The following SFTPA2 variants were observed in gnomAD, a reference collection of about 807,000 sequenced individuals.
SFTPA2 encodes the protein surfactant protein A2, also known as pulmonary surfactant-associated protein A2.
A neutral mutation model predicts 20.3 loss-of-function variants in SFTPA2; 21 were observed. The observed-to-expected ratio is 1.03, with a 90% confidence interval of 0.73 to 1.49. The LOEUF is 1.49. Ranked by LOEUF, SFTPA2 falls within the 40% of genes most tolerant of loss-of-function variation. The pLI is 0.00. For missense variants in SFTPA2, 302 were observed against 314.8 expected (o/e 0.96, Z 0.31); for synonymous variants, 116 against 118.7 (o/e 0.98, Z 0.15).
rs145350846 is a variant in SFTPA2 at position 79,557,985 on chromosome 10, G to C, written c.370+67C>G. Reference sequence around the variant, plus strand: ...TTGTTTGTCATCTCTATTCTAGAAGGTGGTGCTGAGAATGAGGGGAATTTG... The same window carrying C: ...TTGTTTGTCATCTCTATTCTAGAAGCTGGTGCTGAGAATGAGGGGAATTTG... On this transcript the variant is annotated intron_variant, in intron 5 of 5. Coordinates refer to ENST00000372325, the MANE Select transcript of SFTPA2 (RefSeq NM_001098668.4). The C allele has an allele frequency of 0.082, 132,076 of 1,604,874 alleles. 6,571 individuals are homozygous for C. The highest frequency in any genetic ancestry group is 0.26 in the East Asian group (11,498 of 44,764).
In SFTPA2 at chr10:79,557,167, A is replaced by G; in HGVS notation, c.*42T>C. On this transcript the variant is annotated 3_prime_UTR_variant, in exon 6 of 6. Coordinates refer to ENST00000372325, the MANE Select transcript of SFTPA2 (RefSeq NM_001098668.4). ...AGTGGATCCTGGGGATGGAAACTGA[A>G]GGCCAGACAGGATCCTCCCTGTCCC... 1 of 1,614,076 alleles carries G rather than the reference A, an allele frequency of 6.2e-7. No individual in the cohort carries two copies. The highest frequency in any genetic ancestry group is 8.5e-7 in the Non-Finnish European group (1 of 1,179,962).
rs889406238 is a variant in SFTPA2 at position 79,556,329 on chromosome 10, T to C, written c.*880A>G. 1.2e-5 allele frequency: 2 copies of C among 167,410 alleles called. No homozygotes were observed. Among genetic ancestry groups the C allele is most frequent in the African/African-American group, 4.8e-5 (2 of 41,486 alleles). 10.4% of individuals were successfully genotyped at this position (167,410 alleles called of 1,614,324 possible). ...GGTACTGTGCCCACCCCAAGACACA[T>C]CCTAAGACCTGGCACATGTTAATTT... is the stretch of plus-strand genomic sequence containing the variant. On this transcript the variant is annotated 3_prime_UTR_variant, in exon 6 of 6. Transcript: ENST00000372325.
At chr10:79,560,134 G>T in intron 1 of SFTPA2, 136 bp from the exon 2 acceptor site, 1 of 589,708 alleles carries the variant, frequency 1.7e-6, no homozygotes, top group Non-Finnish European at 2.2e-6. Flanking sequence ...CCCCTGCTTA[G>T]GCCCTGCTGA....
At position 79,559,005 on chromosome 10, in the gene SFTPA2, C is replaced by A. The variant is rs765027742; in HGVS notation, c.173G>T (p.Gly58Val). 1.9e-6 allele frequency: 3 copies of A among 1,614,012 alleles called. No individual in the cohort carries two copies. Among genetic ancestry groups the A allele is most frequent in the Admixed American group, 3.3e-5 (2 of 60,002 alleles). The change falls in exon 4 of 6, where the codon GGC becomes GTC. Residue 58 changes from glycine (G) to valine (V), a missense_variant and splice_region_variant. By Grantham distance (109) the Gly-to-Val change is moderately radical (BLOSUM62 -3). This residue lies in a region of SFTPA2 where 264 missense variants were observed against 261.7 expected (regional missense o/e 1.01). Transcript: ENST00000372325. ...TGTTTCTCCAGGCGGACCCATGGGG[C>A]CTGCAGAGAAAAGAGACATGGATGT... ...DGVKGDPGPP[G>V]PMGPPGETPC...
intron 3 of SFTPA2, 50 bp from the exon 4 acceptor site, chr10:79,559,055 T>C (rs746405729): frequency 2.2e-5 from 36 of 1,613,972 alleles, no homozygotes; most frequent in Non-Finnish European, 2.9e-5. Context: ...CCACAACTGG[T>C]TGGAGCTAGT....
intron 4 of SFTPA2, among the ~76,000 whole-genome samples, chr10:79,558,546 G>C (rs1190264864): frequency 6.6e-6 from 1 of 152,026 alleles, no homozygotes; most frequent in Admixed American, 6.5e-5. Context: ...CTGCCTGGAT[G>C]CCTCGTCCGC....
chr10:79,557,995 G>C, intron 5 of SFTPA2, 57 bp downstream of exon 5: 1 of 1,610,570 alleles, frequency 6.2e-7, no homozygotes, highest in Non-Finnish European at 8.5e-7. Flanking sequence ...GTGGTGCTGA[G>C]AATGAGGGGA....
chr10:79,558,062 C>G lies in SFTPA2; in HGVS notation c.360G>C (p.Gln120His), dbSNP rs757621023. ...TLHDFRHQIL[Q>H]TRGALSLQGS... ...AGGGGGTCCCCTTACCTCCCCTTGT[C>G]TGCAGGATTTGATGTCTGAAGTCGT... The change falls in exon 5 of 6, where the codon CAG (glutamine) becomes CAC (histidine). Residue 120 changes from glutamine (Q) to histidine (H), a missense_variant. By Grantham distance (24) the Gln-to-His change is conservative. Transcript: ENST00000372325. The G allele has an allele frequency of 1.9e-6, 3 of 1,614,142 alleles. No homozygotes were observed. The highest frequency in any genetic ancestry group is 2.2e-5 in the East Asian group (1 of 44,868).
At chr10:79,558,617 G>A (rs1858954643) in intron 4 of SFTPA2, among the ~76,000 whole-genome samples, 1 of 152,124 alleles carries the variant, frequency 6.6e-6, no homozygotes, top group Non-Finnish European at 1.5e-5. Context: ...CTGCCTCCCA[G>A]TGCTGTCCCT....
chr10:79,559,596 C>A (rs1859064051), intron 2 of SFTPA2, 90 bp from the exon 3 acceptor site: 5 of 1,597,456 alleles, frequency 3.1e-6, no homozygotes, highest in African/African-American at 1.3e-5. Flanking sequence ...CTGGGCAGAG[C>A]CCGAGAGGCA....
intron 4 of SFTPA2, 67 bp from the exon 5 acceptor site, chr10:79,558,196 G>T: frequency 1.9e-6 from 3 of 1,612,864 alleles, no homozygotes; most frequent in South Asian, 1.1e-5. Flanking sequence ...TGCCACGCAG[G>T]CGTTTTGCCA....
intron 2 of SFTPA2, 25 bp from the exon 3 acceptor site, chr10:79,559,531 C>T (rs766353815): frequency 4.3e-6 from 7 of 1,609,264 alleles, no homozygotes; most frequent in Admixed American, 1.7e-5. Context: ...GCCGTGAGCC[C>T]ATCTGCCACC....
chr10:79,559,813 T>C (rs930847755), intron 2 of SFTPA2, 156 bp downstream of exon 2: 21 of 1,397,002 alleles, frequency 1.5e-5, no homozygotes, highest in African/African-American at 7.3e-5. Flanking sequence ...AGTGCCTCAC[T>C]ATGTTACCCT....
At position 79,557,068 on chromosome 10, in the gene SFTPA2, G is replaced by C. The variant is rs1027481355; in HGVS notation, c.*141C>G. The C allele has an allele frequency of 2.1e-5, 30 of 1,403,448 alleles. No homozygotes were observed. Among genetic ancestry groups the C allele is most frequent in the Admixed American group, 9.9e-5 (5 of 50,254 alleles). The allele number at this position is 1,403,448 out of a possible 1,614,324, so 86.9% of individuals were successfully genotyped here. A position where few individuals can be genotyped will look rare whatever the true frequency, so the allele number is the denominator to read the frequency against. Reference sequence around the variant, plus strand: ...TCAGGGCCCATCAGGGGAATGAAGTGGCTAAGGGTGCCTCCAGCTCTAATA... The same window carrying C: ...TCAGGGCCCATCAGGGGAATGAAGTCGCTAAGGGTGCCTCCAGCTCTAATA... On this transcript the variant is annotated 3_prime_UTR_variant, in exon 6 of 6. Transcript: ENST00000372325.
At chr10:79,558,825 G>A (rs1263025087) in intron 4 of SFTPA2, 61 bp downstream of exon 4, 8 of 1,609,966 alleles carry the variant, frequency 5.0e-6, no homozygotes, top group Non-Finnish European at 5.9e-6. Flanking sequence ...TCACCCCTGT[G>A]TAACTGACTT....
intron 4 of SFTPA2, 151 bp downstream of exon 4, chr10:79,558,735 T>C (rs1858964364): frequency 5.0e-6 from 7 of 1,411,808 alleles, no homozygotes; most frequent in Non-Finnish European, 2.0e-6. Flanking sequence ...ACACCTCGGC[T>C]TTCTCCCTCA....
Position 79,558,924 on chromosome 10 carries a change from C to A in SFTPA2, c.254G>T (p.Arg85Leu). 1 of 1,614,152 alleles carries A rather than the reference C, an allele frequency of 6.2e-7. No individual in the cohort carries two copies. The highest frequency in any genetic ancestry group is 2.2e-5 in the East Asian group (1 of 44,878). Residue 85 changes from arginine (R) to leucine (L), a missense_variant, in exon 4 of 6, where the codon CGT (arginine) becomes CTT (leucine). Physicochemically the swap from Arg to Leu is moderately radical, Grantham distance 102. Transcript: ENST00000372325. The part of the protein sequence containing the change: ...LPGAPGVPGE[R>L]GEKGEAGERG... ...CTCGCCAGCCTCCCCCTTCTCTCCA[C>A]GCTCTCCAGGGACACCAGGGGCTCC...
At chr10:79,559,119 C>T in intron 3 of SFTPA2, 114 bp from the exon 4 acceptor site, 1 of 1,608,252 alleles carries the variant, frequency 6.2e-7, no homozygotes, top group Non-Finnish European at 8.5e-7. Context: ...TCCGTGGGCA[C>T]TATGAGGACA....
At position 79,556,279 on chromosome 10, in the gene SFTPA2, A is replaced by G. The variant is rs1858771351; in HGVS notation, c.*930T>C. 6.0e-6 allele frequency: 1 copy of G among 168,034 alleles called. No homozygotes were observed. Among genetic ancestry groups the G allele is most frequent in the Non-Finnish European group, 1.5e-5 (1 of 68,246 alleles). The allele number at this position is 168,034 out of a possible 1,614,324, so 10.4% of individuals were successfully genotyped here. A position where few individuals can be genotyped will look rare whatever the true frequency, so the allele number is the denominator to read the frequency against. On this transcript the variant is annotated 3_prime_UTR_variant, in exon 6 of 6. Transcript: ENST00000372325. ...ATGAAGATATAGGCTCAGGGAAAAT[A>G]AATAAATATCCCCAAGAGTCACCGG...
Sources: allele counts gnomAD v4.1 joint callset (sites outside exome capture counted in the v4.1 genomes callset), GRCh38; gene constraint gnomAD v4.1.1; regional missense constraint gnomAD v4.1.1; transcripts MANE v1.5; gene names NCBI Gene and HGNC (gene_info 2026-07-23, HGNC 2026-07-21).